CDH12: variants seen among roughly 807,000 people sequenced by gnomAD.
CDH12 encodes cadherin 12, also known as cadherin-12.
In CDH12, 41 loss-of-function variants were observed where a neutral mutation model predicts 74.1. The observed-to-expected ratio is 0.55, with a 90% confidence interval of 0.43 to 0.72. The LOEUF (loss-of-function observed/expected upper bound fraction) is 0.72. Ranked by LOEUF, CDH12 falls within the 30% of genes least tolerant of loss-of-function variation. CDH12 has a pLI of 0.00. For synonymous variants in CDH12, 399 were observed against 355.0 expected, an observed-to-expected ratio of 1.12 and a Z score of -1.39; for missense variants, 945 against 977.2, an observed-to-expected ratio of 0.97 and a Z score of 0.44.
intron 1 of CDH12, among the ~76,000 whole-genome samples, chr5:22,590,948 C>A (rs269876): frequency 0.34 from 51,173 of 151,856 alleles, 9,107 homozygotes; most frequent in African/African-American, 0.45. Flanking sequence ...TAAAATCTGT[C>A]TTTTTCCAAT....
intron 2 of CDH12, among the ~76,000 whole-genome samples, chr5:22,422,756 G>A (rs1296714738): frequency 6.6e-6 from 1 of 151,958 alleles, no homozygotes; most frequent in African/African-American, 2.4e-5. Flanking sequence ...GTTACAGATG[G>A]GCATTCATTT....
At chr5:22,343,863 A>G (rs1242885945) in intron 3 of CDH12, among the ~76,000 whole-genome samples, 4 of 152,208 alleles carry the variant, frequency 2.6e-5, no homozygotes, top group Non-Finnish European at 5.9e-5. Flanking sequence ...TCTTAGCACA[A>G]CTATCTCTTT....
intron 2 of CDH12, among the ~76,000 whole-genome samples, chr5:22,406,264 G>A (rs1444519019): frequency 6.6e-6 from 1 of 152,078 alleles, no homozygotes; most frequent in Non-Finnish European, 1.5e-5. Context: ...ACAACTTTTA[G>A]GGAAGGAGGG....
In CDH12 at chr5:21,914,719, T is replaced by A. The variant is rs139634356; in HGVS notation, c.527-59929A>T. On this transcript the variant is annotated intron_variant, in intron 6 of 14. Coordinates refer to ENST00000382254, the MANE Select transcript of CDH12 (RefSeq NM_004061.5). ...AACTGATTGGATAAAGCCACCCACA[T>A]TATTGAAGAAAATCTCCTTTACTTA... is the stretch of plus-strand genomic sequence containing the variant. 8.0e-3 allele frequency among the ~76,000 whole-genome samples: 1,222 copies of A among 152,278 alleles called. 16 individuals are homozygous for A. Among genetic ancestry groups the A allele is most frequent in the African/African-American group, 0.028 (1,150 of 41,564 alleles).
intron 1 of CDH12, among the ~76,000 whole-genome samples, chr5:22,519,171 G>A (rs563107028): frequency 6.6e-6 from 1 of 152,266 alleles, no homozygotes; most frequent in African/African-American, 2.4e-5. Flanking sequence ...GCACTGGACA[G>A]TATCCAAGAG....
intron 1 of CDH12, among the ~76,000 whole-genome samples, chr5:22,703,509 A>C (rs3932016): frequency 6.6e-6 from 1 of 152,166 alleles, no homozygotes; most frequent in African/African-American, 2.4e-5. Context: ...TTTTTCCCCC[A>C]AAATGAGTGA....
intron 1 of CDH12, among the ~76,000 whole-genome samples, chr5:22,707,413 C>T (rs919821363): frequency 6.6e-6 from 1 of 152,120 alleles, no homozygotes; most frequent in African/African-American, 2.4e-5. Context: ...AACATTTACT[C>T]TGTCCTTTAA....
At chr5:22,641,688 T>C (rs1739160408) in intron 1 of CDH12, among the ~76,000 whole-genome samples, 1 of 152,212 alleles carries the variant, frequency 6.6e-6, no homozygotes, top group Admixed American at 6.5e-5. Flanking sequence ...GCTAGGGTGC[T>C]CTGCTCACTG....
chr5:21,878,574 C>CAA (rs55681202), intron 6 of CDH12, among the ~76,000 whole-genome samples: 86,276 of 119,564 alleles, frequency 0.72, 33,480 homozygotes, highest in East Asian at 0.91. Flanking sequence ...ACCAAAAATA[C>CAA]AAAAAAAAAA....
intron 1 of CDH12, among the ~76,000 whole-genome samples, chr5:22,620,098 AT>A (rs1737897991): frequency 6.6e-6 from 1 of 151,924 alleles, no homozygotes; most frequent in Non-Finnish European, 1.5e-5. Context: ...TGTTTTGTTC[AT>A]TTTTGCTTTT....
At chr5:22,506,314 G>A (rs995326237) in intron 1 of CDH12, among the ~76,000 whole-genome samples, 1 of 152,054 alleles carries the variant, frequency 6.6e-6, no homozygotes, top group Non-Finnish European at 1.5e-5. Flanking sequence ...TTCCTTGTTT[G>A]TGTATTCATT....
At chr5:22,848,969 C>A (rs1012294301) in intron 1 of CDH12, among the ~76,000 whole-genome samples, 1 of 151,108 alleles carries the variant, frequency 6.6e-6, no homozygotes, top group Non-Finnish European at 1.5e-5. Context: ...AGAGTGAGGA[C>A]TCACATTTCA....
intron 7 of CDH12, 68 bp from the exon 8 acceptor site, chr5:21,842,396 A>G: frequency 9.1e-7 from 1 of 1,097,790 alleles, no homozygotes; most frequent in Non-Finnish European, 1.3e-6. Flanking sequence ...ATAAAATAAA[A>G]TGCAACAACA....
chr5:22,230,758 C>G (rs913318431), intron 3 of CDH12, among the ~76,000 whole-genome samples: 2 of 152,060 alleles, frequency 1.3e-5, no homozygotes, highest in Admixed American at 6.5e-5. Context: ...TGTGAGCCAC[C>G]TTGCCCAGCC....
intron 1 of CDH12, among the ~76,000 whole-genome samples, chr5:22,809,050 A>C (rs1295717745): frequency 2.0e-5 from 3 of 152,010 alleles, no homozygotes; most frequent in Non-Finnish European, 4.4e-5. Context: ...ATGCCTAAAC[A>C]ATAATGTAAG....
At chr5:22,502,797 G>T (rs1013080048) in intron 2 of CDH12, among the ~76,000 whole-genome samples, 1 of 152,024 alleles carries the variant, frequency 6.6e-6, no homozygotes, top group African/African-American at 2.4e-5. Flanking sequence ...TTTCATTAAA[G>T]TTTCTTCATC....
At chr5:22,179,073 T>C (rs1749494643) in intron 4 of CDH12, among the ~76,000 whole-genome samples, 1 of 152,222 alleles carries the variant, frequency 6.6e-6, no homozygotes, top group African/African-American at 2.4e-5. Flanking sequence ...ATTAAAATGA[T>C]CTCATAAATG....
chr5:22,713,436 C>T (rs115625622), intron 1 of CDH12, among the ~76,000 whole-genome samples: 128 of 152,040 alleles, frequency 8.4e-4, no homozygotes, highest in African/African-American at 3.0e-3. Flanking sequence ...CCACCGCACC[C>T]GGCCGACCTT....
At chr5:21,921,968 C>T (rs1754373227) in intron 6 of CDH12, among the ~76,000 whole-genome samples, 1 of 152,130 alleles carries the variant, frequency 6.6e-6, no homozygotes, top group African/African-American at 2.4e-5. Flanking sequence ...TAAAAATCCA[C>T]ACATCTTTTC....
Sources: gnomAD v4.1 joint callset for allele counts (sites outside exome capture counted in the v4.1 genomes callset) on GRCh38, gnomAD v4.1.1 for gene constraint, MANE v1.5 for transcripts, NCBI Gene and HGNC (gene_info 2026-07-23, HGNC 2026-07-21) for gene names.